Variants in TTC9 observed in about 807,000 individuals in gnomAD.
TTC9 encodes the protein tetratricopeptide repeat protein 9A.
TTC9 carries 13 observed loss-of-function variants against 22.9 expected under a neutral mutation model. That is an observed-to-expected ratio of 0.57 (90% CI 0.37 to 0.90). TTC9 has a LOEUF of 0.90. Ranked by LOEUF, TTC9 falls within the 40% of genes least tolerant of loss-of-function variation. TTC9 has a pLI of 0.01. For synonymous variants in TTC9, 148 were observed against 133.2 expected, an observed-to-expected ratio of 1.11 and a Z score of -0.77; for missense variants, 280 against 291.8, an observed-to-expected ratio of 0.96 and a Z score of 0.29.
At chr14:70,646,490 C>T (rs559057052) in intron 1 of TTC9, among the ~76,000 whole-genome samples, 5 of 152,274 alleles carry the variant, frequency 3.3e-5, no homozygotes, top group Admixed American at 1.3e-4. Flanking sequence ...GTGGCCCTAG[C>T]AGAAGTGTGA....
intron 1 of TTC9, among the ~76,000 whole-genome samples, chr14:70,660,340 G>C (rs897382966): frequency 6.6e-6 from 1 of 152,176 alleles, no homozygotes; most frequent in Non-Finnish European, 1.5e-5. Context: ...ATCTACTTTA[G>C]ATAGAAAATC....
chr14:70,651,975 A>G (rs1027984628), intron 1 of TTC9, among the ~76,000 whole-genome samples: 1 of 151,722 alleles, frequency 6.6e-6, no homozygotes, highest in Non-Finnish European at 1.5e-5. Context: ...AAAAAAATAC[A>G]TGGAGTGGGG....
intron 1 of TTC9, among the ~76,000 whole-genome samples, chr14:70,644,481 T>C (rs1885874859): frequency 6.6e-6 from 1 of 152,210 alleles, no homozygotes; most frequent in South Asian, 2.1e-4. Context: ...AAAAGAAATA[T>C]GATCATCAGT....
chr14:70,659,167 G>A (rs961403798), intron 1 of TTC9, among the ~76,000 whole-genome samples: 2 of 119,154 alleles, frequency 1.7e-5, no homozygotes, highest in African/African-American at 3.1e-5. Flanking sequence ...CACACATACT[G>A]GGTACAAGTA....
In TTC9 at chr14:70,664,900, C is replaced by G. The variant is rs113530153; in HGVS notation, c.407-2664C>G. Among the ~76,000 whole-genome samples the G allele has an allele frequency of 7.2e-5, 11 of 152,198 alleles. 1 individual carries two copies. Among genetic ancestry groups the G allele is most frequent in the African/African-American group, 2.4e-4 (10 of 41,510 alleles). Reference sequence around the variant, plus strand: ...CCCTTGCCTCCCCCAAAGTCTGAACCCTGGTCCACAGCCAGGTATGCCAGT... The same window carrying G: ...CCCTTGCCTCCCCCAAAGTCTGAACGCTGGTCCACAGCCAGGTATGCCAGT... On this transcript the variant is annotated intron_variant, in intron 1 of 2. Transcript: ENST00000256367.
At chr14:70,646,232 A>T (rs189989515) in intron 1 of TTC9, among the ~76,000 whole-genome samples, 2 of 152,220 alleles carry the variant, frequency 1.3e-5, no homozygotes, top group Non-Finnish European at 2.9e-5. Flanking sequence ...ATAGGTAGGG[A>T]TCGTTCTGTT....
chr14:70,662,481 C>T (rs1443445756), intron 1 of TTC9, among the ~76,000 whole-genome samples: 4 of 151,414 alleles, frequency 2.6e-5, no homozygotes, highest in African/African-American at 2.4e-5. Context: ...CCCTCTTGAT[C>T]ACTGCTTTAC....
chr14:70,665,012 G>A (rs1886194607), intron 1 of TTC9, among the ~76,000 whole-genome samples: 1 of 152,186 alleles, frequency 6.6e-6, no homozygotes, highest in Non-Finnish European at 1.5e-5. Flanking sequence ...ACCCTTTGTG[G>A]GAAGGGGGAG....
chr14:70,664,777 A>G (rs1886191156), intron 1 of TTC9, among the ~76,000 whole-genome samples: 3 of 148,870 alleles, frequency 2.0e-5, no homozygotes, highest in Admixed American at 6.7e-5. Flanking sequence ...CTTCTTATCC[A>G]GATTCTACCT....
At position 70,667,591 on chromosome 14, in the gene TTC9, A is replaced by G. The variant is rs568466203; in HGVS notation, c.434A>G (p.Asn145Ser). ...TGCCTGCTCCAGGCTGAGCTGGTAA[A>G]CTATGAACGAGTCAAGGAATATTGC... The part of the protein sequence containing the change: ...AACLLQAELV[N>S]YERVKEYCLK... Residue 145 changes from asparagine to serine, a missense_variant, in exon 2 of 3, where the codon AAC (asparagine) becomes AGC (serine). Coordinates refer to ENST00000256367, the MANE Select transcript of TTC9 (RefSeq NM_015351.2). 25 of 1,614,030 alleles carry G rather than the reference A, an allele frequency of 1.5e-5. 1 individual carries two copies. In the South Asian group the frequency reaches 2.7e-4, roughly 18 times the overall value.
intron 2 of TTC9, among the ~76,000 whole-genome samples, chr14:70,668,574 G>A (rs1234022169): frequency 6.6e-6 from 1 of 152,216 alleles, no homozygotes; most frequent in Non-Finnish European, 1.5e-5. Flanking sequence ...GGGGGCGCTG[G>A]GCGTGGTGGC....
chr14:70,647,115 A>G (rs1885913281), intron 1 of TTC9, among the ~76,000 whole-genome samples: 1 of 152,204 alleles, frequency 6.6e-6, no homozygotes, highest in Admixed American at 6.5e-5. Context: ...AGATTTTACT[A>G]TTCTTTATGA....
rs1001243407 is a variant in TTC9, at chr14:70,642,273, C to T, written c.144C>T (p.Ala48=). The T allele has an allele frequency of 6.7e-7, 1 of 1,502,354 alleles. No homozygotes were observed. Among genetic ancestry groups the T allele is most frequent in the Non-Finnish European group, 8.9e-7 (1 of 1,126,834 alleles). 93.1% of individuals were successfully genotyped at this position (1,502,354 alleles called of 1,614,324 possible). A position where few individuals can be genotyped will look rare whatever the true frequency, so the allele number is the denominator to read the frequency against. The stretch of plus-strand genomic sequence containing the variant: ...CGAGGGGCCAGGTCGGGGCGGCGGC[C>T]GAGCCGGCCGAGCTCATCCGACGAG... ...APARGQVGAA[A]EPAELIRRAH... is the part of the protein sequence containing the mutation. Residue 48 remains alanine (A), a synonymous_variant, in exon 1 of 3, where the codon GCC becomes GCT. Coordinates refer to ENST00000256367, the MANE Select transcript of TTC9 (RefSeq NM_015351.2).
intron 1 of TTC9, among the ~76,000 whole-genome samples, chr14:70,648,850 A>C (rs10130168): frequency 0.05 from 7,556 of 152,310 alleles, 628 homozygotes; most frequent in African/African-American, 0.17. Context: ...CTTAAAAAAA[A>C]CAAAGATAAT....
At chr14:70,668,997 A>G (rs1886254262) in intron 2 of TTC9, among the ~76,000 whole-genome samples, 1 of 152,080 alleles carries the variant, frequency 6.6e-6, no homozygotes, top group African/African-American at 2.4e-5. Context: ...TCTACTAAAA[A>G]TACAAAAAAT....
chr14:70,653,597 T>C (rs947683945), intron 1 of TTC9, among the ~76,000 whole-genome samples: 1 of 152,198 alleles, frequency 6.6e-6, no homozygotes, highest in Non-Finnish European at 1.5e-5. Flanking sequence ...ACTTAGAAAC[T>C]GTGGGTTCTA....
chr14:70,654,753 C>T lies in TTC9; in HGVS notation c.406+12218C>T, dbSNP rs1034833533. Among the ~76,000 whole-genome samples, 3 of 152,104 alleles carry T rather than the reference C, an allele frequency of 2.0e-5. No homozygotes were observed. The South Asian group carries it at 6.2e-4, about 32-fold the overall frequency. ...TCGTGAATCGGGCAGCCTCCCAAGC[C>T]CGAATAGGCTCAGAGAGACTTCAGT... is the stretch of plus-strand genomic sequence containing the variant. On this transcript the variant is annotated intron_variant, in intron 1 of 2. Coordinates refer to ENST00000256367, the MANE Select transcript of TTC9 (RefSeq NM_015351.2).
chr14:70,644,518 G>A (rs188511306), intron 1 of TTC9, among the ~76,000 whole-genome samples: 24 of 152,122 alleles, frequency 1.6e-4, no homozygotes, highest in South Asian at 6.2e-4. Flanking sequence ...TCAAGGCTCC[G>A]GAGCCATTCT....
intron 1 of TTC9, among the ~76,000 whole-genome samples, chr14:70,659,930 T>TG (rs1886121349): frequency 6.6e-6 from 1 of 152,126 alleles, no homozygotes; most frequent in Non-Finnish European, 1.5e-5. Flanking sequence ...TTTTCCTATC[T>TG]GAAAAAAATG....
Sources: gnomAD v4.1 joint callset for allele counts (sites outside exome capture counted in the v4.1 genomes callset) on GRCh38, gnomAD v4.1.1 for gene constraint, MANE v1.5 for transcripts, NCBI Gene and HGNC (gene_info 2026-07-23, HGNC 2026-07-21) for gene names.